SCUBE2: variants seen among roughly 807,000 people sequenced by gnomAD.
SCUBE2 encodes signal peptide, CUB domain and EGF like domain containing 2.
A neutral mutation model predicts 125.9 loss-of-function variants in SCUBE2; 114 were observed. The observed-to-expected ratio is 0.91, with a 90% CI of 0.78 to 1.06. The LOEUF is 1.06. Among genes scored for constraint, SCUBE2 ranks in the 50% least tolerant of loss-of-function variants. The pLI is 0.00. For missense variants in SCUBE2, 1,255 were observed against 1,301.8 expected, an observed-to-expected ratio of 0.96 and a Z score of 0.55; for synonymous variants, 459 against 492.9, an observed-to-expected ratio of 0.93 and a Z score of 0.91.
intron 16 of SCUBE2, 147 bp downstream of exon 16, chr11:9,047,209 A>G (rs1207601528): frequency 2.5e-6 from 2 of 787,546 alleles, no homozygotes; most frequent in Non-Finnish European, 4.1e-6. Context: ...ACACAAACGC[A>G]ACAGTTACTG....
In SCUBE2 at chr11:9,029,539, CTAA is replaced by C. The variant is rs572331926; in HGVS notation, c.2503+342_2503+344del. The stretch of plus-strand genomic sequence containing the variant: ...GTTCAGCGATGCCGACTCATTCTGC[CTAA>C]TATCAACCAAGTCCCAGCAGAATGC... On this transcript the variant is annotated intron_variant, in intron 19 of 22. Coordinates refer to ENST00000649792, the MANE Select transcript of SCUBE2 (RefSeq NM_001367977.2). Among the ~76,000 whole-genome samples the C allele has an allele frequency of 8.5e-5, 13 of 152,376 alleles. No individual in the cohort carries two copies. In the East Asian group the frequency reaches 2.3e-3, roughly 27 times the overall value.
intron 16 of SCUBE2, among the ~76,000 whole-genome samples, chr11:9,036,736 G>A (rs1165115981): frequency 6.6e-6 from 1 of 152,148 alleles, no homozygotes; most frequent in African/African-American, 2.4e-5. Flanking sequence ...ACTGAGCCAG[G>A]GACCAGGATG....
chr11:9,080,957 T>C (rs558148270), intron 2 of SCUBE2, among the ~76,000 whole-genome samples: 1 of 152,178 alleles, frequency 6.6e-6, no homozygotes, highest in Non-Finnish European at 1.5e-5. Context: ...TCAGCTACAA[T>C]GATATGCAAA....
chr11:9,036,814 C>A (rs1025662459), intron 16 of SCUBE2, among the ~76,000 whole-genome samples: 7 of 152,204 alleles, frequency 4.6e-5, no homozygotes, highest in Non-Finnish European at 1.0e-4. Flanking sequence ...TGCAAGGTGA[C>A]CTTTAGAGAG....
intron 20 of SCUBE2, chr11:9,027,157 G>T (rs1195390290): frequency 6.8e-6 from 4 of 584,524 alleles, no homozygotes; most frequent in Admixed American, 3.0e-5. Flanking sequence ...TGACCTGCAG[G>T]ATCACTACCT....
Position 9,055,874 on chromosome 11 carries a change from G to A in SCUBE2, c.1126C>T (p.His376Tyr), listed in dbSNP as rs772006735. 2 of 1,614,166 alleles carry A rather than the reference G, an allele frequency of 1.2e-6. No homozygotes were observed. The highest frequency in any genetic ancestry group is 8.5e-7 in the Non-Finnish European group (1 of 1,180,028). ...GTGCCAGGGTGGTTGATGCAGCTGTGGTCACAGGTCCTATCCAAAGAGCAC... is the reference window on the plus strand; with the variant it reads ...GTGCCAGGGTGGTTGATGCAGCTGTAGTCACAGGTCCTATCCAAAGAGCAC... ...DECSLDRTCDHSCINHPGTFA... is the reference protein window; with the variant it reads ...DECSLDRTCDYSCINHPGTFA... Residue 376 changes from histidine to tyrosine, a missense_variant, in exon 10 of 23, where the codon CAC (histidine) becomes TAC (tyrosine). By Grantham distance (83) the His-to-Tyr change is moderately conservative. This residue lies in a region of SCUBE2 where 378 missense variants were observed against 463.1 expected (regional missense o/e 0.82). Coordinates refer to ENST00000649792, the MANE Select transcript of SCUBE2 (RefSeq NM_001367977.2).
Position 9,053,086 on chromosome 11 carries a change from G to A in SCUBE2, c.1447+13C>T. ...AGTGTGAGGACCTGCCCCGGGAACT[G>A]GGCCCCACTCACCTGAAGAGAGGTG... is the stretch of plus-strand genomic sequence containing the variant. On this transcript the variant is annotated intron_variant, in intron 12 of 22. Transcript: ENST00000649792. 1 of 1,608,584 alleles carries A rather than the reference G, an allele frequency of 6.2e-7. No homozygotes were observed. Among genetic ancestry groups the A allele is most frequent in the Non-Finnish European group, 8.5e-7 (1 of 1,175,076 alleles).
chr11:9,089,734 A>G lies in SCUBE2; in HGVS notation c.229T>C (p.Tyr77His), dbSNP rs1564858480. The change falls in exon 2 of 23, where the codon TAC becomes CAC. Residue 77 changes from tyrosine to histidine, a missense_variant. By Grantham distance (83) the Tyr-to-His change is moderately conservative. Around this residue, in one of 3 missense-constraint regions of SCUBE2, gnomAD observed 362 missense variants for 323.0 expected, o/e 1.12. Coordinates refer to ENST00000649792, the MANE Select transcript of SCUBE2 (RefSeq NM_001367977.2). ...TCACACTGCCTGCCTTCCCCTTGGT[A>G]GCCAGGCTTGCAGGAGCACTTGTAG... The part of the protein sequence containing the change: ...TSYKCSCKPG[Y>H]QGEGRQCEDI... 1 of 1,613,846 alleles carries G rather than the reference A, an allele frequency of 6.2e-7. No homozygotes were observed. The highest frequency in any genetic ancestry group is 1.7e-5 in the Admixed American group (1 of 60,000).
intron 10 of SCUBE2, among the ~76,000 whole-genome samples, chr11:9,054,153 C>T (rs545219313): frequency 7.2e-5 from 11 of 152,050 alleles, no homozygotes; most frequent in Non-Finnish European, 1.0e-4. Context: ...TGTGCCAACA[C>T]GCCTGGCTAA....
In SCUBE2 at chr11:9,033,658, G is replaced by A. The variant is rs144078968; in HGVS notation, c.2141C>T (p.Thr714Ile). The A allele has an allele frequency of 2.1e-5, 34 of 1,613,982 alleles. No homozygotes were observed. The highest frequency in any genetic ancestry group is 3.4e-6 in the Non-Finnish European group (4 of 1,180,040). Residue 714 changes from threonine to isoleucine, a missense_variant, in exon 17 of 23, where the codon ACC (threonine) becomes ATC (isoleucine). By Grantham distance (89) the Thr-to-Ile change is moderately conservative (BLOSUM62 -1). This residue lies in a region of SCUBE2 where 515 missense variants were observed against 515.7 expected (regional missense o/e 1.00). Coordinates refer to ENST00000649792, the MANE Select transcript of SCUBE2 (RefSeq NM_001367977.2). The stretch of plus-strand genomic sequence containing the variant: ...TTCAGACATATTCCAAGCTTCTGGG[G>A]TCTTCAGGGCCCCAGAATTTCCTGG... Reference protein sequence around the residue: ...PRPGNSGALKTPEAWNMSECG... With the variant: ...PRPGNSGALKIPEAWNMSECG...
intron 1 of SCUBE2, among the ~76,000 whole-genome samples, chr11:9,090,754 T>A (rs1248353452): frequency 6.6e-6 from 1 of 152,034 alleles, no homozygotes; most frequent in South Asian, 2.1e-4. Context: ...TTGGCAGAAG[T>A]ATTTCCTGGG....
chr11:9,020,995 C>G lies in SCUBE2; in HGVS notation c.*50G>C. ...ACATGCAGAAGGAAGACAGCTCTGT[C>G]CCACCAACCCTATAGCAGAACATTT... On this transcript the variant is annotated 3_prime_UTR_variant, in exon 23 of 23. Coordinates refer to ENST00000649792, the MANE Select transcript of SCUBE2 (RefSeq NM_001367977.2). 6.4e-7 allele frequency: 1 copy of G among 1,558,184 alleles called. No individual in the cohort carries two copies. The highest frequency in any genetic ancestry group is 8.7e-7 in the Non-Finnish European group (1 of 1,146,456).
chr11:9,050,555 C>A lies in SCUBE2; in HGVS notation c.1639+51G>T, dbSNP rs531395880. The A allele has an allele frequency of 4.9e-6, 7 of 1,431,436 alleles. No individual in the cohort carries two copies. The East Asian group carries it at 1.6e-4, about 33-fold the overall frequency. The allele number at this position is 1,431,436 out of a possible 1,614,324, so 88.7% of individuals were successfully genotyped here. A position where few individuals can be genotyped will look rare whatever the true frequency, so the allele number is the denominator to read the frequency against. ...GACCTCCAGCTCGGCTGGCTGCAGG[C>A]CCCTTCCCACATGCAGGCAAGCTCC... On this transcript the variant is annotated intron_variant, in intron 14 of 22. Coordinates refer to ENST00000649792, the MANE Select transcript of SCUBE2 (RefSeq NM_001367977.2).
At chr11:9,074,697 A>G in intron 3 of SCUBE2, 82 bp from the exon 4 acceptor site, 1 of 1,504,922 alleles carries the variant, frequency 6.6e-7, no homozygotes, top group African/African-American at 1.4e-5. Context: ...GGCCCTGCTA[A>G]GCAAAGATGA....
chr11:9,032,688 G>A (rs1326672241), intron 17 of SCUBE2, among the ~76,000 whole-genome samples: 1 of 152,096 alleles, frequency 6.6e-6, no homozygotes, highest in African/African-American at 2.4e-5. Flanking sequence ...AGCCGAGATT[G>A]CACCACAGCA....
At chr11:9,036,185 C>T (rs1296305754) in intron 16 of SCUBE2, among the ~76,000 whole-genome samples, 2 of 152,150 alleles carry the variant, frequency 1.3e-5, no homozygotes, top group Non-Finnish European at 2.9e-5. Context: ...CCACCATGGC[C>T]GACTACAATT....
chr11:9,077,204 T>G (rs1861275615), intron 3 of SCUBE2, among the ~76,000 whole-genome samples: 1 of 152,196 alleles, frequency 6.6e-6, no homozygotes, highest in African/African-American at 2.4e-5. Flanking sequence ...GTCAGAACCC[T>G]GAGGCCTGGA....
At chr11:9,059,867 T>C (rs546138498) in intron 8 of SCUBE2, 2 of 160,074 alleles carry the variant, frequency 1.2e-5, no homozygotes, top group South Asian at 3.9e-4. Flanking sequence ...TGATTCCTGA[T>C]ACTCAATCTT....
chr11:9,081,538 C>T (rs1302056658), intron 2 of SCUBE2, among the ~76,000 whole-genome samples: 1 of 152,018 alleles, frequency 6.6e-6, no homozygotes, highest in Non-Finnish European at 1.5e-5. Flanking sequence ...TTTTTTAAGG[C>T]TAATATTCTA....
Sources: allele counts gnomAD v4.1 joint callset (sites outside exome capture counted in the v4.1 genomes callset), GRCh38; gene constraint gnomAD v4.1.1; regional missense constraint gnomAD v4.1.1; transcripts MANE v1.5; gene names NCBI Gene and HGNC (gene_info 2026-07-23, HGNC 2026-07-21).